SOD2: variants seen among roughly 807,000 people sequenced by gnomAD.
SOD2 encodes superoxide dismutase [Mn], mitochondrial.
Under a neutral mutation model 27.0 loss-of-function variants are expected in SOD2, and 11 were observed. The ratio of observed to expected loss-of-function variants is 0.41; its 90% CI spans 0.26 to 0.67. The LOEUF is 0.67. Among genes scored for constraint, SOD2 ranks in the 30% least tolerant of loss-of-function variants. The pLI, the probability that SOD2 is intolerant of heterozygous loss-of-function variation, is 0.34. For synonymous variants in SOD2, 105 were observed against 103.0 expected (o/e 1.02, Z -0.12); for missense variants, 250 against 274.5 (o/e 0.91, Z 0.63).
At chr6:159,759,668 CA>C (rs1189023511) in intron 1 of SOD2, among the ~76,000 whole-genome samples, 389 of 127,914 alleles carry the variant, frequency 3.0e-3, no homozygotes, top group Admixed American at 3.7e-3. Flanking sequence ...AGCTCCGTCT[CA>C]AAAAAAAAAA....
chr6:159,682,455 C>T lies in SOD2; in HGVS notation c.*38G>A. 6.3e-7 allele frequency: 1 copy of T among 1,595,470 alleles called. No individual in the cohort carries two copies. Among genetic ancestry groups the T allele is most frequent in the Non-Finnish European group, 8.5e-7 (1 of 1,170,364 alleles). ...TACTCTATACCACTACAAAAACAGT[C>T]ATAAAGAGCTTAACATACTCAGCAT... is the stretch of plus-strand genomic sequence containing the variant. On this transcript the variant is annotated 3_prime_UTR_variant, in exon 5 of 5. Coordinates refer to ENST00000538183, the MANE Select transcript of SOD2 (RefSeq NM_000636.4).
rs1582992490 is a variant in SOD2 at position 159,669,281 on chromosome 6, TAG to T, written c.*13210_*13211del. ...AAAAGAACGTGTGTTCTGCAGCTAT[TAG>T]AGTGTTCTGCACCTATTAGAATGTT... On this transcript the variant is annotated 3_prime_UTR_variant, in exon 5 of 5. Transcript: ENST00000538183. 1 of 150,448 alleles carries T rather than the reference TAG, an allele frequency of 6.6e-6. No homozygotes were observed. The highest frequency in any genetic ancestry group is 1.9e-4 in the East Asian group (1 of 5,184). The allele number at this position is 150,448 out of a possible 1,614,324, so 9.3% of individuals were successfully genotyped here. A position where few individuals can be genotyped will look rare whatever the true frequency, so the allele number is the denominator to read the frequency against.
intron 1 of SOD2, among the ~76,000 whole-genome samples, chr6:159,752,297 C>T (rs1779848538): frequency 1.3e-5 from 2 of 152,176 alleles, no homozygotes; most frequent in Non-Finnish European, 2.9e-5. Context: ...TTATCCAAGT[C>T]TCAAAGGTAA....
rs925020816 is a variant in SOD2 at position 159,676,405 on chromosome 6, T to C, written c.*6088A>G. 2.0e-5 allele frequency: 3 copies of C among 152,178 alleles called. No homozygotes were observed. The highest frequency in any genetic ancestry group is 7.2e-5 in the African/African-American group (3 of 41,436). The allele number at this position is 152,178 out of a possible 1,614,324, so 9.4% of individuals were successfully genotyped here. On this transcript the variant is annotated 3_prime_UTR_variant, in exon 5 of 5. Coordinates refer to ENST00000538183, the MANE Select transcript of SOD2 (RefSeq NM_000636.4). ...GATGTGGCACATATACACCATGGAATACTATGCAGCCATAAAAAAGGAAGA... is the reference window on the plus strand; with the variant it reads ...GATGTGGCACATATACACCATGGAACACTATGCAGCCATAAAAAAGGAAGA...
Position 159,682,489 on chromosome 6 carries a change from TG to T in SOD2, c.*3del. On this transcript the variant is annotated 3_prime_UTR_variant, in exon 5 of 5. Coordinates refer to ENST00000538183, the MANE Select transcript of SOD2 (RefSeq NM_000636.4). ...CTTAACATACTCAGCATAACGATCG[TG>T]GTTTACTTTTTGCAAGCCATGTATC... 6.2e-7 allele frequency: 1 copy of T among 1,613,218 alleles called. No individual in the cohort carries two copies. Among genetic ancestry groups the T allele is most frequent in the Non-Finnish European group, 8.5e-7 (1 of 1,179,558 alleles).
intron 3 of SOD2, among the ~76,000 whole-genome samples, chr6:159,686,346 C>T (rs1057272108): frequency 1.3e-5 from 2 of 151,966 alleles, no homozygotes; most frequent in Non-Finnish European, 2.9e-5. Context: ...GAAGACTGAA[C>T]TCAGAAAAAA....
At chr6:159,710,290 A>ATAT (rs1562436109) in intron 1 of SOD2, among the ~76,000 whole-genome samples, 8 of 94,096 alleles carry the variant, frequency 8.5e-5, no homozygotes, top group East Asian at 7.2e-4. Flanking sequence ...TATATATATA[A>ATAT]AATACAAAAA....
rs537944632 is a variant in SOD2 at position 159,672,828 on chromosome 6, G to C, written c.*9665C>G. The stretch of plus-strand genomic sequence containing the variant: ...GGATAAAGAGTCAAGACCCATCAGG[G>C]TGCTGTATTCAGGAAACCCATCTCA... On this transcript the variant is annotated 3_prime_UTR_variant, in exon 5 of 5. Transcript: ENST00000538183. 24 of 151,956 alleles carry C rather than the reference G, an allele frequency of 1.6e-4. No homozygotes were observed. The highest frequency in any genetic ancestry group is 6.3e-4 in the South Asian group (3 of 4,794). 9.4% of individuals were successfully genotyped at this position (151,956 alleles called of 1,614,324 possible).
upstream of SOD2, among the ~76,000 whole-genome samples, chr6:159,730,526 AT>A (rs559361345): frequency 2.0e-3 from 299 of 152,316 alleles, 1 homozygote; most frequent in South Asian, 0.02. Flanking sequence ...ATTAGGTTCT[AT>A]TTTGACCAAA....
intron 1 of SOD2, among the ~76,000 whole-genome samples, chr6:159,707,154 C>A (rs779044416): frequency 6.6e-6 from 1 of 151,966 alleles, no homozygotes; most frequent in Admixed American, 6.6e-5. Context: ...TAAATGCCCA[C>A]AAGAGAAAGC....
rs1582997945 is a variant in SOD2 at position 159,679,431 on chromosome 6, A to G, written c.*3062T>C. ...GTTTTAGATATGACTCAATATACAT[A>G]GATTTTAACTTTATGGTTTGGTATT... is the stretch of plus-strand genomic sequence containing the variant. On this transcript the variant is annotated 3_prime_UTR_variant, in exon 5 of 5. Coordinates refer to ENST00000538183, the MANE Select transcript of SOD2 (RefSeq NM_000636.4). 6.6e-6 allele frequency: 1 copy of G among 152,378 alleles called. No homozygotes were observed. Among genetic ancestry groups the G allele is most frequent in the East Asian group, 1.9e-4 (1 of 5,192 alleles). The allele number at this position is 152,378 out of a possible 1,614,324, so 9.4% of individuals were successfully genotyped here. A position where few individuals can be genotyped will look rare whatever the true frequency, so the allele number is the denominator to read the frequency against.
rs1440727826 is a variant in SOD2 at position 159,674,891 on chromosome 6, C to A, written c.*7602G>T. The A allele has an allele frequency of 6.6e-6, 1 of 152,228 alleles. No individual in the cohort carries two copies. The highest frequency in any genetic ancestry group is 2.4e-5 in the African/African-American group (1 of 41,450). 9.4% of individuals were successfully genotyped at this position (152,228 alleles called of 1,614,324 possible). On this transcript the variant is annotated 3_prime_UTR_variant, in exon 5 of 5. Coordinates refer to ENST00000538183, the MANE Select transcript of SOD2 (RefSeq NM_000636.4). ...ATCTCCTTAATTTGATAAGCAACTT[C>A]AGCAAAATCTCAGGATACAAAATCA... is the stretch of plus-strand genomic sequence containing the variant.
chr6:159,686,439 G>C (rs1780189531), intron 3 of SOD2, among the ~76,000 whole-genome samples: 1 of 152,126 alleles, frequency 6.6e-6, no homozygotes, highest in Non-Finnish European at 1.5e-5. Context: ...CTGAGGTCAG[G>C]AGTTCAAAAC....
chr6:159,727,487 G>T (rs551715992), upstream of SOD2: 7,029 of 993,714 alleles, frequency 7.1e-3, 35 homozygotes, highest in Non-Finnish European at 7.9e-3. Flanking sequence ...GGCGGGGCCG[G>T]GCGGCGGGGC....
At chr6:159,693,392 C>A, upstream of SOD2, 1 of 169,294 alleles carries the variant, frequency 5.9e-6, no homozygotes. Flanking sequence ...GCCCTGCGTG[C>A]CTGTCCCGCC....
intron 1 of SOD2, among the ~76,000 whole-genome samples, chr6:159,759,896 G>T (rs986149474): frequency 6.6e-6 from 1 of 152,212 alleles, no homozygotes; most frequent in African/African-American, 2.4e-5. Context: ...GGCTCCAGAA[G>T]AATATATTCA....
At chr6:159,709,772 T>C (rs1214236065) in intron 1 of SOD2, among the ~76,000 whole-genome samples, 1 of 152,092 alleles carries the variant, frequency 6.6e-6, no homozygotes, top group Non-Finnish European at 1.5e-5. Flanking sequence ...ACTAGGTATA[T>C]ACCCAAAGGA....
upstream of SOD2, among the ~76,000 whole-genome samples, chr6:159,696,187 T>C (rs1255087345): frequency 1.3e-5 from 2 of 152,192 alleles, no homozygotes; most frequent in African/African-American, 2.4e-5. Flanking sequence ...CATTGAGTCA[T>C]CAAGGATGCA....
intron 1 of SOD2, among the ~76,000 whole-genome samples, chr6:159,717,428 TTTTA>T (rs1462867452): frequency 1.3e-5 from 2 of 152,316 alleles, no homozygotes; most frequent in South Asian, 2.1e-4. Context: ...AAATTATTAT[TTTTA>T]TTTGACACAT....
Sources: allele counts gnomAD v4.1 joint callset (sites outside exome capture counted in the v4.1 genomes callset), GRCh38; gene constraint gnomAD v4.1.1; transcripts MANE v1.5; gene names NCBI Gene and HGNC (gene_info 2026-07-23, HGNC 2026-07-21).